ADAMTS14: variants seen among roughly 807,000 people sequenced by gnomAD.
ADAMTS14 encodes A disintegrin and metalloproteinase with thrombospondin motifs 14.
In ADAMTS14, 100 loss-of-function variants were observed where a neutral mutation model predicts 128.6. The observed-to-expected ratio is 0.78, with a 90% confidence interval of 0.66 to 0.92. The LOEUF (loss-of-function observed/expected upper bound fraction) is 0.92. ADAMTS14 is among the 40% of genes least tolerant of loss of function. ADAMTS14 has a pLI of 0.00. For missense variants in ADAMTS14, 1,562 were observed against 1,658.6 expected, an observed-to-expected ratio of 0.94 and a Z score of 1.01; for synonymous variants, 665 against 653.8, an observed-to-expected ratio of 1.02 and a Z score of -0.26.
At chr10:70,729,663 C>T (rs1472035809) in intron 5 of ADAMTS14, among the ~76,000 whole-genome samples, 1 of 152,120 alleles carries the variant, frequency 6.6e-6, no homozygotes, top group East Asian at 1.9e-4. Context: ...GCCACTGAGA[C>T]AAGTCATGTT....
rs529730523 is a variant in ADAMTS14 at position 70,702,191 on chromosome 10, G to A, written c.523-121G>A. On this transcript the variant is annotated intron_variant, in intron 2 of 21. Transcript: ENST00000373207. The stretch of plus-strand genomic sequence containing the variant: ...TCCCAGGGCTCCTCAAGGTCCTGGA[G>A]GAAGAGCCTGCAAGCATGTAGGGTC... The A allele has an allele frequency of 4.3e-4, 608 of 1,425,610 alleles. 1 individual carries two copies. The African/African-American group carries it at 8.1e-3, about 19-fold the overall frequency. The allele number at this position is 1,425,610 out of a possible 1,614,324, so 88.3% of individuals were successfully genotyped here. A position where few individuals can be genotyped will look rare whatever the true frequency, so the allele number is the denominator to read the frequency against.
intron 4 of ADAMTS14, among the ~76,000 whole-genome samples, chr10:70,723,511 G>A (rs1249385823): frequency 6.6e-6 from 1 of 152,154 alleles, no homozygotes; most frequent in African/African-American, 2.4e-5. Context: ...GCAACTTTTA[G>A]CTGAACCTAA....
In ADAMTS14 at chr10:70,738,947, G is replaced by T. The variant is rs777630903; in HGVS notation, c.1705G>T (p.Gly569Trp). The change falls in exon 11 of 22, where the codon GGG becomes TGG. Residue 569 changes from glycine (G) to tryptophan (W), a missense_variant. Physicochemically the swap from Gly to Trp is radical, Grantham distance 184. Coordinates refer to ENST00000373207, the MANE Select transcript of ADAMTS14 (RefSeq NM_080722.4). Reference sequence around the variant, plus strand: ...GTTTGGGTCATGTTCGCGGTCATGTGGGGGCGGGGTGCGATCCCGCAGCCG... The same window carrying T: ...GTTTGGGTCATGTTCGCGGTCATGTTGGGGCGGGGTGCGATCCCGCAGCCG... Reference protein sequence around the residue: ...TKFGSCSRSCGGGVRSRSRSC... With the variant: ...TKFGSCSRSCWGGVRSRSRSC... 5.6e-6 allele frequency: 9 copies of T among 1,613,718 alleles called. No individual in the cohort carries two copies. The highest frequency in any genetic ancestry group is 6.8e-6 in the Non-Finnish European group (8 of 1,179,890).
At position 70,751,492 on chromosome 10, in the gene ADAMTS14, T is replaced by C. The variant is rs768634643; in HGVS notation, c.2442T>C (p.Thr814=). ...TCTCCCCTCAGGCTCTCCCCCCAAC[T>C]GAGGGTGGCCCCCGCAGCAGCCTGG... ...EAIAILALPP[T]EGGPRSSLAY... Residue 814 remains threonine (T), a synonymous_variant, in exon 17 of 22, where the codon ACT becomes ACC. Coordinates refer to ENST00000373207, the MANE Select transcript of ADAMTS14 (RefSeq NM_080722.4). The C allele has an allele frequency of 3.7e-6, 6 of 1,605,258 alleles. No homozygotes were observed. Among genetic ancestry groups the C allele is most frequent in the African/African-American group, 1.3e-5 (1 of 74,784 alleles).
intron 4 of ADAMTS14, among the ~76,000 whole-genome samples, chr10:70,710,391 G>A (rs1396993286): frequency 6.6e-6 from 1 of 152,242 alleles, no homozygotes; most frequent in African/African-American, 2.4e-5. Context: ...CCCTGCATGG[G>A]CCCTCACTGG....
intron 4 of ADAMTS14, among the ~76,000 whole-genome samples, chr10:70,715,319 C>A (rs1219701504): frequency 6.6e-6 from 1 of 152,130 alleles, no homozygotes. Context: ...GAACAGGACC[C>A]CAGGAGAGGG....
chr10:70,681,824 C>T (rs781104801), intron 2 of ADAMTS14, among the ~76,000 whole-genome samples: 12 of 152,270 alleles, frequency 7.9e-5, no homozygotes, highest in Non-Finnish European at 1.3e-4. Flanking sequence ...GGCCTCCTGC[C>T]CTCACACATG....
chr10:70,719,785 C>A (rs1468306308), intron 4 of ADAMTS14, among the ~76,000 whole-genome samples: 2 of 152,180 alleles, frequency 1.3e-5, no homozygotes, highest in African/African-American at 4.8e-5. Context: ...GCCTTGACAT[C>A]TGTTTTTCCC....
intron 3 of ADAMTS14, among the ~76,000 whole-genome samples, chr10:70,704,303 C>T (rs79075510): frequency 0.012 from 1,824 of 152,140 alleles, 40 homozygotes; most frequent in African/African-American, 0.039. Context: ...AAGGCCTCAG[C>T]TGCTGCTTCC....
intron 9 of ADAMTS14, 151 bp downstream of exon 9, chr10:70,735,452 G>T: frequency 8.4e-7 from 1 of 1,184,006 alleles, no homozygotes; most frequent in South Asian, 1.7e-5. Flanking sequence ...ACCATGCAGG[G>T]ATGCAGAGTG....
rs964398339 is a variant in ADAMTS14, at chr10:70,672,898, G to C, written c.82+14G>C. The C allele has an allele frequency of 1.2e-5, 18 of 1,455,066 alleles. No individual in the cohort carries two copies. The African/African-American group carries it at 2.7e-4, about 22-fold the overall frequency. The allele number at this position is 1,455,066 out of a possible 1,614,324, so 90.1% of individuals were successfully genotyped here. The stretch of plus-strand genomic sequence containing the variant: ...GCCGGACCCCAGGTGCGTGCGGGTT[G>C]GGCGCGCGGGGGCCCGTGGGGTCCG... On this transcript the variant is annotated intron_variant, in intron 1 of 21. Transcript: ENST00000373207.
Position 70,726,484 on chromosome 10 carries a change from C to T in ADAMTS14, c.871-2810C>T, listed in dbSNP as rs116692125. Among the ~76,000 whole-genome samples the T allele has an allele frequency of 6.0e-3, 919 of 152,306 alleles. 1 individual carries two copies. Among genetic ancestry groups the T allele is most frequent in the African/African-American group, 0.013 (528 of 41,562 alleles). On this transcript the variant is annotated intron_variant, in intron 4 of 21. Transcript: ENST00000373207. ...AGTGACTCCTTTCTTCTCCTGCCCC[C>T]GGGATAACTGATGGGTTTACATGAG...
chr10:70,672,743 G>C lies in ADAMTS14; in HGVS notation c.-60G>C. ...GCCCGGGGCGCACCCTAGCCTCGCC[G>C]CCCTCAGCCTGGGACTTGGGGATCG... On this transcript the variant is annotated 5_prime_UTR_variant, in exon 1 of 22. Transcript: ENST00000373207. The C allele has an allele frequency of 6.9e-7, 1 of 1,455,094 alleles. No homozygotes were observed. The highest frequency in any genetic ancestry group is 9.0e-7 in the Non-Finnish European group (1 of 1,109,308). The allele number at this position is 1,455,094 out of a possible 1,614,324, so 90.1% of individuals were successfully genotyped here.
In ADAMTS14 at chr10:70,754,007, G is replaced by A; in HGVS notation, c.2937G>A (p.Gln979=). ...PAQWRLGAWS[Q]CSATCGEGIQ... The stretch of plus-strand genomic sequence containing the variant: ...AGTGGAGGCTGGGAGCCTGGTCCCA[G>A]GTGACTTGTCCTCAGGAGGTGGGAG... The change falls in exon 19 of 22, where the codon CAG becomes CAA. Residue 979 remains glutamine, a splice_region_variant and synonymous_variant. Transcript: ENST00000373207. 1 of 1,556,432 alleles carries A rather than the reference G, an allele frequency of 6.4e-7. No individual in the cohort carries two copies. Among genetic ancestry groups the A allele is most frequent in the African/African-American group, 1.4e-5 (1 of 73,888 alleles).
At chr10:70,725,731 C>T (rs182920388) in intron 4 of ADAMTS14, among the ~76,000 whole-genome samples, 265 of 152,252 alleles carry the variant, frequency 1.7e-3, no homozygotes, top group African/African-American at 6.3e-3. Flanking sequence ...TTTGGGGCAA[C>T]ACCAACATTC....
Position 70,760,627 on chromosome 10 carries a change from C to T in ADAMTS14, c.3446C>T (p.Thr1149Ile). ...GSEDHQHGRA[T>I]QLPGALDTSS... ...GAGGACCATCAGCATGGCCGAGCCA[C>T]ACAGCTCCCAGGAGCTCTGGATACA... The change falls in exon 22 of 22, where the codon ACA (threonine) becomes ATA (isoleucine). Residue 1149 changes from threonine to isoleucine, a missense_variant. By Grantham distance (89) the Thr-to-Ile change is moderately conservative. Transcript: ENST00000373207. The T allele has an allele frequency of 6.2e-7, 1 of 1,614,148 alleles. No homozygotes were observed.
rs564595264 is a variant in ADAMTS14 at position 70,718,357 on chromosome 10, G to A, written c.870+9579G>A. On this transcript the variant is annotated intron_variant, in intron 4 of 21. Coordinates refer to ENST00000373207, the MANE Select transcript of ADAMTS14 (RefSeq NM_080722.4). Reference sequence around the variant, plus strand: ...CTGTAAAGCAGTAGTTCTTTTTAAAGTTTATTTTATTTATTATATTTATTT... The same window carrying A: ...CTGTAAAGCAGTAGTTCTTTTTAAAATTTATTTTATTTATTATATTTATTT... Among the ~76,000 whole-genome samples, 387 of 151,918 alleles carry A rather than the reference G, an allele frequency of 2.5e-3. 3 individuals carry two copies. Among genetic ancestry groups the A allele is most frequent in the African/African-American group, 8.9e-3 (368 of 41,496 alleles).
intron 4 of ADAMTS14, among the ~76,000 whole-genome samples, chr10:70,720,648 T>C (rs979363105): frequency 2.6e-5 from 4 of 152,252 alleles, no homozygotes; most frequent in Non-Finnish European, 5.9e-5. Context: ...TATATTGCTG[T>C]TAAACATCCA....
intron 3 of ADAMTS14, among the ~76,000 whole-genome samples, chr10:70,705,418 C>T (rs1391822206): frequency 6.6e-6 from 1 of 152,248 alleles, no homozygotes; most frequent in Non-Finnish European, 1.5e-5. Context: ...CCAGGGCCGC[C>T]AGCCGGGCTG....
Sources: gnomAD v4.1 joint callset for allele counts (sites outside exome capture counted in the v4.1 genomes callset) on GRCh38, gnomAD v4.1.1 for gene constraint, MANE v1.5 for transcripts, NCBI Gene and HGNC (gene_info 2026-07-23, HGNC 2026-07-21) for gene names.